The following FAM118B variants were observed in gnomAD, a reference collection of about 807,000 sequenced individuals.
FAM118B encodes the protein SIR2 antiphage like 1, also known as protein FAM118B.
FAM118B carries 24 observed loss-of-function variants against 38.5 expected under a neutral mutation model. The observed-to-expected ratio is 0.62, with a 90% confidence interval of 0.45 to 0.88. The LOEUF (loss-of-function observed/expected upper bound fraction) is 0.88. FAM118B is among the 40% of genes least tolerant of loss of function. FAM118B has a pLI of 0.00. For synonymous variants in FAM118B, 138 were observed against 156.3 expected, an observed-to-expected ratio of 0.88 and a Z score of 0.87; for missense variants, 334 against 420.0, an observed-to-expected ratio of 0.80 and a Z score of 1.79.
chr11:126,239,097 TC>T (rs1244437414), intron 3 of FAM118B, among the ~76,000 whole-genome samples: 3 of 150,520 alleles, frequency 2.0e-5, no homozygotes, highest in Non-Finnish European at 3.0e-5. Flanking sequence ...GAACTTAGCC[TC>T]CCAGGTAGCT....
intron 1 of FAM118B, chr11:126,214,501 T>TTA (rs1949947012): frequency 1.1e-5 from 1 of 89,892 alleles, no homozygotes; most frequent in Non-Finnish European, 2.2e-5. Flanking sequence ...TTTTTTTTTT[T>TTA]TGTTTTTTTT....
At position 126,253,487 on chromosome 11, in the gene FAM118B, G is replaced by T. The variant is rs148507967; in HGVS notation, c.568-818G>T. Among the ~76,000 whole-genome samples the T allele has an allele frequency of 2.0e-5, 3 of 152,258 alleles. No homozygotes were observed. In the East Asian group the frequency reaches 5.8e-4, roughly 29 times the overall value. ...TTGTTCTTCGCTGGCAGCCTTTTAG[G>T]TTCCTCAGAGGTGACTGAAGTGATT... is the stretch of plus-strand genomic sequence containing the variant. On this transcript the variant is annotated intron_variant, in intron 5 of 8. Transcript: ENST00000533050. This position sits in a 1 kb window ranked among gnomAD's most constrained non-coding sequence, Gnocchi z 5.1.
intron 5 of FAM118B, among the ~76,000 whole-genome samples, chr11:126,251,424 A>C (rs184017492): frequency 2.3e-4 from 35 of 152,360 alleles, no homozygotes; most frequent in South Asian, 1.9e-3. Context: ...TCAGTACTAC[A>C]GTATTGCCCC....
chr11:126,227,669 T>A (rs1213821242), intron 1 of FAM118B, among the ~76,000 whole-genome samples: 2 of 152,220 alleles, frequency 1.3e-5, no homozygotes, highest in African/African-American at 4.8e-5. Flanking sequence ...TATCAATGGT[T>A]TTGGATTCCA....
In FAM118B at chr11:126,262,340, C is replaced by T; in HGVS notation, c.*207C>T. 1 of 397,296 alleles carries T rather than the reference C, an allele frequency of 2.5e-6. No homozygotes were observed. The allele number at this position is 397,296 out of a possible 1,614,324, so 24.6% of individuals were successfully genotyped here. On this transcript the variant is annotated 3_prime_UTR_variant, in exon 9 of 9. Transcript: ENST00000533050. ...TGATATTCTGCCGCCTGTTCAAGTT[C>T]AAGAATAAAAGCGACAGCAGGACCC...
At position 126,259,494 on chromosome 11, in the gene FAM118B, C is replaced by T. The variant is rs1413058896; in HGVS notation, c.983-1931C>T. Among the ~76,000 whole-genome samples the T allele has an allele frequency of 7.5e-5, 11 of 147,168 alleles. No homozygotes were observed. The South Asian group carries it at 8.8e-4, about 12-fold the overall frequency. ...AGGCTGGAGTGCAGTGGCACAATCTCGGCTCACTGCAACCCCCGCCTCCTG... is the reference window on the plus strand; with the variant it reads ...AGGCTGGAGTGCAGTGGCACAATCTTGGCTCACTGCAACCCCCGCCTCCTG... On this transcript the variant is annotated intron_variant, in intron 7 of 8. Coordinates refer to ENST00000533050, the MANE Select transcript of FAM118B (RefSeq NM_024556.4).
chr11:126,253,334 T>C lies in FAM118B; in HGVS notation c.568-971T>C, dbSNP rs1261117563. ...TCAAATTCTAAATCTCGGTGCCTCT[T>C]GACTACTTTCCTGATTCATAGCCTA... On this transcript the variant is annotated intron_variant, in intron 5 of 8. Coordinates refer to ENST00000533050, the MANE Select transcript of FAM118B (RefSeq NM_024556.4). This position sits in a 1 kb window ranked among gnomAD's most constrained non-coding sequence, Gnocchi z 5.1. Among the ~76,000 whole-genome samples the C allele has an allele frequency of 6.6e-6, 1 of 152,204 alleles. No individual in the cohort carries two copies. Among genetic ancestry groups the C allele is most frequent in the Non-Finnish European group, 1.5e-5 (1 of 68,038 alleles).
chr11:126,247,261 C>T (rs1950430132), intron 4 of FAM118B, among the ~76,000 whole-genome samples: 1 of 152,146 alleles, frequency 6.6e-6, no homozygotes, highest in Admixed American at 6.5e-5. Flanking sequence ...CACTGTACTC[C>T]AGCTTGGTGA....
At position 126,253,986 on chromosome 11, in the gene FAM118B, G is replaced by A. The variant is rs759931653; in HGVS notation, c.568-319G>A. ...ATACAGAGGCTTGATTTCTTGGGGC[G>A]ATCACTGAAGCAGTTGTCCATAGCT... On this transcript the variant is annotated intron_variant, in intron 5 of 8. Transcript: ENST00000533050. This position sits in a 1 kb window ranked among gnomAD's most constrained non-coding sequence, Gnocchi z 5.1. Among the ~76,000 whole-genome samples, 1 of 152,196 alleles carries A rather than the reference G, an allele frequency of 6.6e-6. No homozygotes were observed. Among genetic ancestry groups the A allele is most frequent in the Non-Finnish European group, 1.5e-5 (1 of 68,034 alleles).
At chr11:126,242,677 A>ATTT (rs1231448337) in intron 4 of FAM118B, among the ~76,000 whole-genome samples, 7 of 152,240 alleles carry the variant, frequency 4.6e-5, no homozygotes, top group Non-Finnish European at 8.8e-5. Context: ...AATCAAAACC[A>ATTT]CAACAAGGTG....
chr11:126,259,962 C>T (rs1303218978), intron 7 of FAM118B, among the ~76,000 whole-genome samples: 1 of 151,948 alleles, frequency 6.6e-6, no homozygotes, highest in Non-Finnish European at 1.5e-5. Flanking sequence ...CCTCGTGATC[C>T]ACCCACCTCA....
chr11:126,237,759 A>G (rs1950298480), intron 3 of FAM118B, among the ~76,000 whole-genome samples: 1 of 143,798 alleles, frequency 7.0e-6, no homozygotes, highest in Admixed American at 7.0e-5. Flanking sequence ...CGGGAGGCTG[A>G]GGCAGGAGAA....
chr11:126,229,091 T>C (rs1950177797), intron 1 of FAM118B, 134 bp from the exon 2 acceptor site: 1 of 152,216 alleles, frequency 6.6e-6, no homozygotes, highest in South Asian at 2.1e-4. Context: ...TAAAGAGTTA[T>C]TCAATTTCAT....
chr11:126,254,180 C>T, intron 5 of FAM118B, 125 bp from the exon 6 acceptor site: 1 of 1,179,202 alleles, frequency 8.5e-7, no homozygotes, highest in Admixed American at 2.6e-5. Flanking sequence ...CATTCTTGTC[C>T]TATATCATGA....
intron 3 of FAM118B, among the ~76,000 whole-genome samples, chr11:126,236,285 T>C (rs966071225): frequency 3.3e-5 from 5 of 152,234 alleles, no homozygotes; most frequent in African/African-American, 4.8e-5. Flanking sequence ...AGAAAATTAT[T>C]TGGACATATT....
intron 4 of FAM118B, chr11:126,245,401 AGCC>A (rs960142690): frequency 4.6e-5 from 7 of 152,334 alleles, no homozygotes; most frequent in South Asian, 2.1e-4. Context: ...CTTACTACAG[AGCC>A]ACAGTAACTA....
chr11:126,259,740 A>G (rs1048493089), intron 7 of FAM118B, among the ~76,000 whole-genome samples: 13 of 141,530 alleles, frequency 9.2e-5, no homozygotes, highest in African/African-American at 3.2e-4. Context: ...TATTGATTTG[A>G]GATGGAGTTT....
intron 2 of FAM118B, among the ~76,000 whole-genome samples, chr11:126,232,929 C>G (rs982807630): frequency 6.6e-6 from 1 of 151,950 alleles, no homozygotes; most frequent in Non-Finnish European, 1.5e-5. Context: ...TTGTTATAAG[C>G]AAACTGGGAA....
intron 7 of FAM118B, among the ~76,000 whole-genome samples, chr11:126,258,017 C>T (rs924143270): frequency 1.3e-5 from 2 of 152,172 alleles, no homozygotes; most frequent in Admixed American, 1.3e-4. Flanking sequence ...TGTGACTCAT[C>T]CATCTAATTC....
Sources: allele counts gnomAD v4.1 joint callset (sites outside exome capture counted in the v4.1 genomes callset), GRCh38; gene constraint gnomAD v4.1.1; non-coding constraint Gnocchi (gnomAD v3.1); transcripts MANE v1.5; gene names NCBI Gene and HGNC (gene_info 2026-07-23, HGNC 2026-07-21).